DYRK1A: variants seen among roughly 807,000 people sequenced by gnomAD.
DYRK1A encodes dual specificity tyrosine-phosphorylation-regulated kinase 1A.
A neutral mutation model predicts 79.7 loss-of-function variants in DYRK1A; 9 were observed. That is an observed-to-expected ratio of 0.11 (90% CI 0.07 to 0.20). The LOEUF (loss-of-function observed/expected upper bound fraction) is 0.20, where lower values mean the gene tolerates loss of function less well. Ranked by LOEUF, DYRK1A falls within the 10% of genes least tolerant of loss-of-function variation. The probability of loss-of-function intolerance (pLI) is 1.00; values close to 1 mark genes in which losing one functional copy is unlikely to be tolerated. For synonymous variants in DYRK1A, 349 were observed against 329.7 expected (o/e 1.06, Z -0.63); for missense variants, 622 against 956.0 (o/e 0.65, Z 4.61).
chr21:37,480,906 A>G, intron 5 of DYRK1A, 80 bp downstream of exon 5: 1 of 1,150,788 alleles, frequency 8.7e-7, no homozygotes, highest in Non-Finnish European at 1.2e-6. Context: ...CCCTTCCTCA[A>G]GAGTGTACTT....
In DYRK1A at chr21:37,385,221, A is replaced by G. The variant is rs552084961; in HGVS notation, c.-77+17593A>G. Among the ~76,000 whole-genome samples the G allele has an allele frequency of 3.9e-5, 6 of 152,326 alleles. No homozygotes were observed. The South Asian group carries it at 1.2e-3, about 32-fold the overall frequency. ...ATATCACCACAGAGTTAGTAGCTTA[A>G]AATATACACTTCCATTTATTATCTC... On this transcript the variant is annotated intron_variant, in intron 1 of 11. Transcript: ENST00000647188.
At chr21:37,418,104 A>G (rs573945508) in intron 1 of DYRK1A, among the ~76,000 whole-genome samples, 1 of 152,324 alleles carries the variant, frequency 6.6e-6, no homozygotes, top group South Asian at 2.1e-4. Context: ...TTATTGTCAT[A>G]TAAAAACTCT....
At chr21:37,380,960 G>A (rs1255137360) in intron 1 of DYRK1A, among the ~76,000 whole-genome samples, 1 of 152,024 alleles carries the variant, frequency 6.6e-6, no homozygotes, top group Non-Finnish European at 1.5e-5. Flanking sequence ...CCTTCTATGC[G>A]CTCTTCGTTT....
At chr21:37,376,356 G>T (rs1484483565) in intron 1 of DYRK1A, among the ~76,000 whole-genome samples, 1 of 152,120 alleles carries the variant, frequency 6.6e-6, no homozygotes, top group Non-Finnish European at 1.5e-5. Flanking sequence ...TACAGATACA[G>T]AAATTAGCCA....
At chr21:37,397,835 A>G (rs1008626224) in intron 1 of DYRK1A, among the ~76,000 whole-genome samples, 2 of 152,138 alleles carry the variant, frequency 1.3e-5, no homozygotes, top group South Asian at 2.1e-4. Context: ...CTGTGCCCCA[A>G]TCGCCTTACA....
rs1220160236 is a variant in DYRK1A, at chr21:37,516,431, GT to G, written c.*3903del. On this transcript the variant is annotated 3_prime_UTR_variant, in exon 12 of 12. Coordinates refer to ENST00000647188, the MANE Select transcript of DYRK1A (RefSeq NM_001347721.2). ...TAACCCTGGTTTCTTATCTAGGCCT[GT>G]TTCCTTGCGTGAAAACATACATCAC... 6.6e-6 allele frequency: 1 copy of G among 152,216 alleles called. No homozygotes were observed. Among genetic ancestry groups the G allele is most frequent in the East Asian group, 1.9e-4 (1 of 5,202 alleles). 9.4% of individuals were successfully genotyped at this position (152,216 alleles called of 1,614,324 possible). A position where few individuals can be genotyped will look rare whatever the true frequency, so the allele number is the denominator to read the frequency against.
chr21:37,374,310 T>G (rs2049493080), intron 1 of DYRK1A, among the ~76,000 whole-genome samples: 1 of 150,712 alleles, frequency 6.6e-6, no homozygotes, highest in African/African-American at 2.5e-5. Flanking sequence ...GCAAGAAGGA[T>G]GATAGCAGAG....
At chr21:37,496,376 A>T (rs1053673181) in intron 9 of DYRK1A, 118 bp downstream of exon 9, 38 of 969,412 alleles carry the variant, frequency 3.9e-5, no homozygotes, top group Middle Eastern at 2.7e-4. Context: ...GATTTTATTG[A>T]TACCTTACAT....
chr21:37,437,133 A>G (rs568858809), intron 2 of DYRK1A, among the ~76,000 whole-genome samples: 24 of 152,144 alleles, frequency 1.6e-4, no homozygotes, highest in Non-Finnish European at 2.5e-4. Context: ...AGAGGAGACT[A>G]TGTTGTTGAG....
At chr21:37,459,178 C>T (rs76879425) in intron 2 of DYRK1A, among the ~76,000 whole-genome samples, 3,714 of 152,304 alleles carry the variant, frequency 0.024, 149 homozygotes, top group African/African-American at 0.085. Context: ...CCTGGACTCT[C>T]AGGATCTGGC....
At chr21:37,377,074 G>A (rs2049559037) in intron 1 of DYRK1A, among the ~76,000 whole-genome samples, 6 of 152,096 alleles carry the variant, frequency 3.9e-5, no homozygotes, top group Admixed American at 3.3e-4. Flanking sequence ...CAAACCAAAT[G>A]GGATCAGACA....
intron 2 of DYRK1A, among the ~76,000 whole-genome samples, chr21:37,429,965 TG>T (rs1784822178): frequency 6.6e-6 from 1 of 152,236 alleles, no homozygotes; most frequent in Admixed American, 6.5e-5. Context: ...AAAAAACTAT[TG>T]AAAAATGAAA....
At position 37,517,968 on chromosome 21, in the gene DYRK1A, A is replaced by C. The variant is rs1300627150; in HGVS notation, c.*5437A>C. ...GAGTTTGGTGGTGTGATTGCAGCTC[A>C]CTGCAGCCTTAAACAACTGGGCTAG... On this transcript the variant is annotated 3_prime_UTR_variant, in exon 12 of 12. Transcript: ENST00000647188. 1 of 152,146 alleles carries C rather than the reference A, an allele frequency of 6.6e-6. No individual in the cohort carries two copies. The highest frequency in any genetic ancestry group is 1.9e-4 in the East Asian group (1 of 5,182). 9.4% of individuals were successfully genotyped at this position (152,146 alleles called of 1,614,324 possible). A position where few individuals can be genotyped will look rare whatever the true frequency, so the allele number is the denominator to read the frequency against.
rs2053874427 is a variant in DYRK1A, at chr21:37,515,813, G to A, written c.*3282G>A. 1 of 151,446 alleles carries A rather than the reference G, an allele frequency of 6.6e-6. No homozygotes were observed. Among genetic ancestry groups the A allele is most frequent in the Non-Finnish European group, 1.5e-5 (1 of 67,924 alleles). The allele number at this position is 151,446 out of a possible 1,614,324, so 9.4% of individuals were successfully genotyped here. A position where few individuals can be genotyped will look rare whatever the true frequency, so the allele number is the denominator to read the frequency against. Reference sequence around the variant, plus strand: ...CTTAGGGTGTGAGAATTTTACCTAGGCACATGGATATTGGGCTGAAAAAAA... The same window carrying A: ...CTTAGGGTGTGAGAATTTTACCTAGACACATGGATATTGGGCTGAAAAAAA... On this transcript the variant is annotated 3_prime_UTR_variant, in exon 12 of 12. Transcript: ENST00000647188.
At chr21:37,410,950 G>A (rs530536138) in intron 1 of DYRK1A, among the ~76,000 whole-genome samples, 3 of 150,920 alleles carry the variant, frequency 2.0e-5, no homozygotes, top group Admixed American at 6.6e-5. Flanking sequence ...TAGGGATGCC[G>A]AGGCATGAGA....
intron 2 of DYRK1A, among the ~76,000 whole-genome samples, chr21:37,428,520 A>G (rs552787228): frequency 5.3e-5 from 8 of 152,324 alleles, no homozygotes; most frequent in African/African-American, 1.9e-4. Flanking sequence ...TTTTAGATGT[A>G]ATCACTGCTT....
At chr21:37,411,048 T>TGAAA (rs1569300015) in intron 1 of DYRK1A, among the ~76,000 whole-genome samples, 1 of 52,168 alleles carries the variant, frequency 1.9e-5, no homozygotes, top group Non-Finnish European at 3.3e-5. Flanking sequence ...GATTCTGTCT[T>TGAAA]TAAAAAAAAA....
At chr21:37,384,077 TGCTTGAAGGCACTTTTCACACCTCAGTGC>T (rs1169843558) in intron 1 of DYRK1A, among the ~76,000 whole-genome samples, 1 of 152,164 alleles carries the variant, frequency 6.6e-6, no homozygotes, top group African/African-American at 2.4e-5. Context: ...GCCAGTTTTC[TGCTTGAAGGCACTTTTCACACCTCAGTGC>T]AGGAAGGGGA....
chr21:37,422,507 TTGTTCA>T, intron 2 of DYRK1A, among the ~76,000 whole-genome samples: 1 of 152,178 alleles, frequency 6.6e-6, no homozygotes, highest in African/African-American at 2.4e-5. Flanking sequence ...CCCTCTGGCA[TTGTTCA>T]TGGTACTGGC....
Sources: allele counts gnomAD v4.1 joint callset (sites outside exome capture counted in the v4.1 genomes callset), GRCh38; gene constraint gnomAD v4.1.1; transcripts MANE v1.5; gene names NCBI Gene and HGNC (gene_info 2026-07-23, HGNC 2026-07-21).